The following ACOT9 variants were observed in gnomAD, a reference collection of about 807,000 sequenced individuals.
ACOT9 encodes the protein acyl-coenzyme A thioesterase 9, mitochondrial.
A neutral mutation model predicts 39.7 loss-of-function variants in ACOT9; 34 were observed. The observed-to-expected ratio is 0.86, with a 90% CI of 0.65 to 1.14. The LOEUF (loss-of-function observed/expected upper bound fraction) is 1.14. Ranked by LOEUF, ACOT9 falls within the 50% of genes most tolerant of loss-of-function variation. The probability of loss-of-function intolerance (pLI) is 0.00; values close to 1 mark genes in which losing one functional copy is unlikely to be tolerated. For synonymous variants in ACOT9, 110 were observed against 120.5 expected, an observed-to-expected ratio of 0.91 and a Z score of 0.57; for missense variants, 313 against 344.1, an observed-to-expected ratio of 0.91 and a Z score of 0.71.
At chrX:23,743,266 AGCCGGACAGCGGTGTCCGGGG>A in exon 1 of ACOT9, 4 of 910,760 alleles carry the variant, frequency 4.4e-6, no homozygotes, top group Non-Finnish European at 5.8e-6. Context: ...ACAGCCCGGG[AGCCGGACAGCGGTGTCCGGGG>A]GCGGGACCGC....
At chrX:23,727,998 CAA>C (rs757698040) in intron 6 of ACOT9, among the ~76,000 whole-genome samples, 6 of 38,720 alleles carry the variant, frequency 1.5e-4, no homozygotes, top group Non-Finnish European at 1.0e-4. Context: ...GACTCTGTCT[CAA>C]AAAAAAAAAA....
At chrX:23,723,533 G>A (rs191058578) in intron 6 of ACOT9, among the ~76,000 whole-genome samples, 1 of 102,531 alleles carries the variant, frequency 9.8e-6, no homozygotes, top group East Asian at 3.2e-4. Flanking sequence ...AACCCAGGAG[G>A]CAGAGGTTGC....
intron 10 of ACOT9, 40 bp from the exon 11 acceptor site, chrX:23,706,779 C>T (rs372326977): frequency 5.6e-5 from 46 of 824,682 alleles, no homozygotes; most frequent in African/African-American, 1.0e-4. Context: ...TCAGGACGGT[C>T]GCACTACAGC....
rs1473598181 is a variant in ACOT9, at chrX:23,713,136, C to T, written c.661G>A (p.Gly221Arg). 2 of 1,200,736 alleles carry T rather than the reference C, an allele frequency of 1.7e-6. No individual in the cohort carries two copies. The highest frequency in any genetic ancestry group is 1.8e-5 in the African/African-American group (1 of 57,101). ...GAATTATGAAAAAATAGCAATTACC[C>T]TTTATTTTCAGAATCACGAGCCACC... ...VMVARDSENK[G>R]PAFVNPLIPE... The change falls in exon 9 of 16, where the codon GGG (glycine) becomes AGG (arginine). Residue 221 changes from glycine (G) to arginine (R), a missense_variant and splice_region_variant. Coordinates refer to ENST00000379303, the MANE Select transcript of ACOT9 (RefSeq NM_001037171.2).
At chrX:23,731,348 G>C (rs1303687557) in intron 4 of ACOT9, among the ~76,000 whole-genome samples, 1 of 109,957 alleles carries the variant, frequency 9.1e-6, no homozygotes, top group Non-Finnish European at 1.9e-5. Context: ...GTGGTGGTGG[G>C]CACCTGTAAT....
Position 23,734,374 on chromosome X carries a change from GAATA to G in ACOT9, c.119-11_119-8del. The G allele has an allele frequency of 8.5e-7, 1 of 1,169,920 alleles. No individual in the cohort carries two copies. The highest frequency in any genetic ancestry group is 1.2e-6 in the Non-Finnish European group (1 of 865,141). ...ACATGTATAGATGAACATGCTATAT[GAATA>G]AAGGGAAAATCAATTAGAGAACCAG... On this transcript the variant is annotated splice_region_variant and splice_polypyrimidine_tract_variant and intron_variant, in intron 2 of 15. Coordinates refer to ENST00000379303, the MANE Select transcript of ACOT9 (RefSeq NM_001037171.2).
At chrX:23,724,290 G>T in intron 6 of ACOT9, among the ~76,000 whole-genome samples, 1 of 111,359 alleles carries the variant, frequency 9.0e-6, no homozygotes, top group Non-Finnish European at 1.9e-5. Context: ...AGGAAGAAAA[G>T]AATGGGCCAT....
At chrX:23,706,293 CT>C (rs1416176205) in intron 11 of ACOT9, among the ~76,000 whole-genome samples, 4 of 108,122 alleles carry the variant, frequency 3.7e-5, no homozygotes, top group Non-Finnish European at 7.6e-5. Context: ...GGTGTGGTGG[CT>C]CACGCCTGTA....
At chrX:23,704,580 T>C (rs1249353883) in intron 15 of ACOT9, 114 bp downstream of exon 15, 4 of 905,760 alleles carry the variant, frequency 4.4e-6, no homozygotes, top group African/African-American at 2.0e-5. Context: ...CAAAATCTCC[T>C]GAAGACATGC....
At chrX:23,704,522 T>A (rs961730556) in intron 15 of ACOT9, among the ~76,000 whole-genome samples, 172 bp downstream of exon 15, 1 of 110,487 alleles carries the variant, frequency 9.1e-6, no homozygotes, top group African/African-American at 3.3e-5. Context: ...CTTGCCCGCC[T>A]GGGGGCCACA....
intron 15 of ACOT9, 94 bp downstream of exon 15, chrX:23,704,600 G>A (rs1232168045): frequency 2.0e-6 from 2 of 977,168 alleles, no homozygotes; most frequent in Non-Finnish European, 2.8e-6. Context: ...CTCTTGTGCT[G>A]ACAGGCATCA....
At chrX:23,732,255 G>T (rs1281874160) in intron 4 of ACOT9, among the ~76,000 whole-genome samples, 1 of 112,561 alleles carries the variant, frequency 8.9e-6, no homozygotes, top group Non-Finnish European at 1.9e-5. Context: ...TACACAAAAT[G>T]GTAACAGTTG....
chrX:23,721,540 A>T (rs1230345171), intron 8 of ACOT9, among the ~76,000 whole-genome samples: 2 of 112,288 alleles, frequency 1.8e-5, no homozygotes, highest in African/African-American at 6.5e-5. Flanking sequence ...CCAACTGTAC[A>T]GCAGTCCTGG....
At chrX:23,740,115 CT>C (rs746109793) in intron 1 of ACOT9, among the ~76,000 whole-genome samples, 11 of 100,074 alleles carry the variant, frequency 1.1e-4, no homozygotes, top group South Asian at 4.7e-4. Flanking sequence ...GTAATGGTAA[CT>C]TTTTTTTTTT....
At chrX:23,742,233 A>AGAGAGAGAGAGAGAGAGAGAGG (rs1920976919) in intron 1 of ACOT9, among the ~76,000 whole-genome samples, 5 of 52,408 alleles carry the variant, frequency 9.5e-5, no homozygotes, top group South Asian at 1.2e-3. Flanking sequence ...AGAGAGAGAG[A>AGAGAGAGAGAGAGAGAGAGAGG]GAGGGAGAGA....
intron 10 of ACOT9, chrX:23,707,065 G>A (rs499130): frequency 0.34 from 47,264 of 137,196 alleles, 6,341 homozygotes; most frequent in Admixed American, 0.55. Context: ...GGGAGGCGGA[G>A]GCAGGAGGAT....
At position 23,713,159 on chromosome X, in the gene ACOT9, A is replaced by C; in HGVS notation, c.638T>G (p.Val213Gly). Reference protein sequence around the residue: ...CPVLDATFVMVARDSENKGPA... With the variant: ...CPVLDATFVMGARDSENKGPA... ...CCCTTTATTTTCAGAATCACGAGCC[A>C]CCATTACAAATGTTGCATCCAAAAC... The change falls in exon 9 of 16, where the codon GTG becomes GGG. Residue 213 changes from valine (V) to glycine (G), a missense_variant. Val to Gly is a moderately radical substitution (Grantham distance 109). Transcript: ENST00000379303. 8 of 1,208,735 alleles carry C rather than the reference A, an allele frequency of 6.6e-6. No homozygotes were observed. Among genetic ancestry groups the C allele is most frequent in the Non-Finnish European group, 9.0e-6 (8 of 892,974 alleles).
rs1266309622 is a variant in ACOT9 at position 23,734,219 on chromosome X, C to T, written c.145+122G>A. The stretch of plus-strand genomic sequence containing the variant: ...GCCAGAAAAATGAAGCAAAGACTTA[C>T]ATCAAGCTAAGGCAAAGAATGCAAT... On this transcript the variant is annotated intron_variant, in intron 3 of 15. Coordinates refer to ENST00000379303, the MANE Select transcript of ACOT9 (RefSeq NM_001037171.2). 5 of 553,697 alleles carry T rather than the reference C, an allele frequency of 9.0e-6. No homozygotes were observed. In the African/African-American group the frequency reaches 9.4e-5, roughly 10 times the overall value. 45.6% of individuals were successfully genotyped at this position (553,697 alleles called of 1,213,427 possible).
chrX:23,734,447 C>CTACAGA, intron 2 of ACOT9, 80 bp from the exon 3 acceptor site: 1 of 857,479 alleles, frequency 1.2e-6, no homozygotes, highest in Non-Finnish European at 1.7e-6. Flanking sequence ...ATTTCAAATA[C>CTACAGA]TGTGTTGAGT....
Sources: gnomAD v4.1 joint callset for allele counts (sites outside exome capture counted in the v4.1 genomes callset) on GRCh38, gnomAD v4.1.1 for gene constraint, MANE v1.5 for transcripts, NCBI Gene and HGNC (gene_info 2026-07-23, HGNC 2026-07-21) for gene names.